The following FAM227B variants were observed in gnomAD, a reference collection of about 807,000 sequenced individuals.
FAM227B encodes family with sequence similarity 227 member B, also known as protein FAM227B.
A neutral mutation model predicts 73.8 loss-of-function variants in FAM227B; 88 were observed. That is an observed-to-expected ratio of 1.19 (90% CI 1.00 to 1.42). The LOEUF is 1.42. FAM227B is among the 40% of genes most tolerant of loss of function. FAM227B has a pLI of 0.00. For missense variants in FAM227B, 632 were observed against 590.9 expected (o/e 1.07, Z -0.72); for synonymous variants, 210 against 190.5 (o/e 1.10, Z -0.84).
chr15:49,577,912 A>G (rs904498892), intron 5 of FAM227B, among the ~76,000 whole-genome samples: 1 of 152,360 alleles, frequency 6.6e-6, no homozygotes, highest in Middle Eastern at 3.4e-3. Flanking sequence ...TATAAGGGCT[A>G]TAATAAACAA....
intron 9 of FAM227B, among the ~76,000 whole-genome samples, chr15:49,551,539 T>A (rs1455082266): frequency 6.6e-6 from 1 of 152,208 alleles, no homozygotes; most frequent in Non-Finnish European, 1.5e-5. Flanking sequence ...TGAGTCTTGT[T>A]TTTTCATCCA....
intron 11 of FAM227B, among the ~76,000 whole-genome samples, chr15:49,491,693 AATTG>A (rs2057112558): frequency 1.3e-5 from 2 of 150,064 alleles, no homozygotes; most frequent in African/African-American, 5.0e-5. Flanking sequence ...CTAATATAGT[AATTG>A]ATTGCACACA....
intron 11 of FAM227B, among the ~76,000 whole-genome samples, chr15:49,382,182 C>A (rs1333298551): frequency 6.6e-6 from 1 of 151,758 alleles, no homozygotes; most frequent in Non-Finnish European, 1.5e-5. Context: ...GTACAATATG[C>A]AGGAAGTAGT....
chr15:49,524,758 C>G (rs1378886648), intron 10 of FAM227B, among the ~76,000 whole-genome samples: 1 of 152,226 alleles, frequency 6.6e-6, no homozygotes, highest in Admixed American at 6.5e-5. Context: ...TGTGGAAGTC[C>G]ACCTCTTGCA....
In FAM227B at chr15:49,457,882, C is replaced by G. The variant is rs77995451; in HGVS notation, c.1012+50329G>C. Among the ~76,000 whole-genome samples, 233 of 151,966 alleles carry G rather than the reference C, an allele frequency of 1.5e-3. 8 individuals are homozygous for G. The East Asian group carries it at 0.042, about 27-fold the overall frequency. On this transcript the variant is annotated intron_variant, in intron 11 of 15. Coordinates refer to ENST00000299338, the MANE Select transcript of FAM227B (RefSeq NM_152647.3). ...TAAAAAACAATTAAATGAATCTAATCATTTTTGTGCTAATTTTAGCACAAG... is the reference window on the plus strand; with the variant it reads ...TAAAAAACAATTAAATGAATCTAATGATTTTTGTGCTAATTTTAGCACAAG...
At chr15:49,332,000 G>C (rs2038856520) in intron 14 of FAM227B, 151 bp from the exon 15 acceptor site, 1 of 597,472 alleles carries the variant, frequency 1.7e-6, no homozygotes, top group South Asian at 2.0e-5. Flanking sequence ...AACTTCTGAA[G>C]TAGGTACTCC....
Position 49,615,201 on chromosome 15 carries a change from A to T in FAM227B, c.-30T>A, listed in dbSNP as rs374521570. Reference sequence around the variant, plus strand: ...CAGTAACTTTGCAGAAATGAAGAGAAATCAGCTGGGTCTTAGGCTTCAATG... The same window carrying T: ...CAGTAACTTTGCAGAAATGAAGAGATATCAGCTGGGTCTTAGGCTTCAATG... On this transcript the variant is annotated 5_prime_UTR_variant, in exon 2 of 16. Coordinates refer to ENST00000299338, the MANE Select transcript of FAM227B (RefSeq NM_152647.3). The T allele has an allele frequency of 1.4e-5, 23 of 1,610,136 alleles. No individual in the cohort carries two copies. Among genetic ancestry groups the T allele is most frequent in the Non-Finnish European group, 2.0e-5 (23 of 1,176,412 alleles).
At chr15:49,611,323 A>C in intron 2 of FAM227B, 55 bp from the exon 3 acceptor site, 1 of 852,204 alleles carries the variant, frequency 1.2e-6, no homozygotes, top group Non-Finnish European at 1.9e-6. Context: ...GACTGTTCAT[A>C]ATATTTACAA....
intron 3 of FAM227B, among the ~76,000 whole-genome samples, chr15:49,592,017 C>T (rs1481414540): frequency 1.3e-5 from 2 of 152,148 alleles, no homozygotes; most frequent in African/African-American, 4.8e-5. Flanking sequence ...GTTTTCTGCT[C>T]CATCAGGTCA....
At chr15:49,471,641 A>AT in intron 11 of FAM227B, among the ~76,000 whole-genome samples, 2 of 152,072 alleles carry the variant, frequency 1.3e-5, no homozygotes. Flanking sequence ...GAAAGTTATG[A>AT]TTTTCTAATC....
chr15:49,393,378 C>T (rs924872487), intron 11 of FAM227B, among the ~76,000 whole-genome samples: 2 of 152,110 alleles, frequency 1.3e-5, no homozygotes, highest in East Asian at 3.8e-4. Context: ...AGTGTCAGTT[C>T]CCTACCCTTT....
intron 11 of FAM227B, among the ~76,000 whole-genome samples, chr15:49,507,818 C>T (rs60882143): frequency 0.33 from 49,320 of 151,548 alleles, 8,742 homozygotes; most frequent in African/African-American, 0.45. Context: ...TAGAAAAATA[C>T]AGGTAGGTAT....
intron 9 of FAM227B, among the ~76,000 whole-genome samples, chr15:49,544,133 G>A (rs1009584520): frequency 6.6e-6 from 1 of 152,092 alleles, no homozygotes; most frequent in Non-Finnish European, 1.5e-5. Context: ...AGCATGGGAT[G>A]TGTTTTTATT....
intron 11 of FAM227B, among the ~76,000 whole-genome samples, chr15:49,497,270 A>G (rs186116521): frequency 2.6e-5 from 4 of 152,338 alleles, no homozygotes; most frequent in Admixed American, 2.6e-4. Flanking sequence ...TCCAAACAAA[A>G]GCATACTTAT....
intron 11 of FAM227B, among the ~76,000 whole-genome samples, chr15:49,457,308 A>G (rs763463995): frequency 6.6e-6 from 1 of 152,004 alleles, no homozygotes; most frequent in Admixed American, 6.6e-5. Flanking sequence ...GAAAAAAATC[A>G]AATCAGCGTG....
chr15:49,328,602 G>GTTGA lies in FAM227B; in HGVS notation c.1489_1492dup (p.Thr498IlefsTer8). The GTTGA allele has an allele frequency of 6.3e-7, 1 of 1,594,538 alleles. No homozygotes were observed. Among genetic ancestry groups the GTTGA allele is most frequent in the Non-Finnish European group, 8.6e-7 (1 of 1,167,336 alleles). On this transcript the variant is annotated frameshift_variant, in exon 16 of 16. Coordinates refer to ENST00000299338, the MANE Select transcript of FAM227B (RefSeq NM_152647.3). LOFTEE classifies it low-confidence loss of function (END_TRUNC). ...TTCTTCCTCAAAGTTGTAGTTGTCT[G>GTTGA]TTGATGATGGTGATGATGATGATGA...
In FAM227B at chr15:49,594,909, A is replaced by ATT. The variant is rs1207310894; in HGVS notation, c.106-4904_106-4903dup. ...TTAGTTTTGCTTTGGGCATGAAGGC[A>ATT]TTTTTTTGGTTACATATAAATTTTA... On this transcript the variant is annotated intron_variant, in intron 3 of 15. Coordinates refer to ENST00000299338, the MANE Select transcript of FAM227B (RefSeq NM_152647.3). Among the ~76,000 whole-genome samples the ATT allele has an allele frequency of 2.6e-5, 4 of 152,026 alleles. No individual in the cohort carries two copies. In the East Asian group the frequency reaches 7.7e-4, roughly 29 times the overall value.
At chr15:49,506,008 T>A (rs2152108818) in intron 11 of FAM227B, among the ~76,000 whole-genome samples, 1 of 151,610 alleles carries the variant, frequency 6.6e-6, no homozygotes, top group Admixed American at 6.6e-5. Context: ...CAAAATGAAC[T>A]CAAAAAAAGA....
chr15:49,588,778 G>A (rs1382074479), intron 4 of FAM227B, among the ~76,000 whole-genome samples: 1 of 149,958 alleles, frequency 6.7e-6, no homozygotes, highest in Non-Finnish European at 1.5e-5. Context: ...ATACACAGAA[G>A]CTATACATAA....
Sources: gnomAD v4.1 joint callset for allele counts (sites outside exome capture counted in the v4.1 genomes callset) on GRCh38, gnomAD v4.1.1 for gene constraint, MANE v1.5 for transcripts, NCBI Gene and HGNC (gene_info 2026-07-23, HGNC 2026-07-21) for gene names.